SDHAF3: variants seen among roughly 807,000 people sequenced by gnomAD.
SDHAF3 encodes succinate dehydrogenase complex assembly factor 3.
Under a neutral mutation model 11.5 loss-of-function variants are expected in SDHAF3, and 18 were observed. The observed-to-expected ratio is 1.56, with a 90% CI of 1.08 to 2.32. The LOEUF is 2.32. Among genes scored for constraint, SDHAF3 ranks in the 30% most tolerant of loss-of-function variants. The probability of loss-of-function intolerance (pLI) is 0.00; values close to 1 mark genes in which losing one functional copy is unlikely to be tolerated. For missense variants in SDHAF3, 200 were observed against 154.4 expected (o/e 1.30, Z -1.57); for synonymous variants, 72 against 59.3 (o/e 1.21, Z -0.99).
intron 1 of SDHAF3, among the ~76,000 whole-genome samples, chr7:97,172,988 GATCATCAAGCTCAA>G (rs6150239): frequency 0.24 from 37,205 of 152,066 alleles, 4,707 homozygotes; most frequent in East Asian, 0.42. Context: ...CTCCACCTCA[GATCATCAAGCTCAA>G]ATCATCAAGC....
chr7:97,139,321 A>C (rs1466839434), intron 1 of SDHAF3, among the ~76,000 whole-genome samples: 1 of 152,174 alleles, frequency 6.6e-6, no homozygotes, highest in African/African-American at 2.4e-5. Flanking sequence ...CCACACCCGG[A>C]GATGGGCAGT....
chr7:97,151,665 AT>A (rs918023564), intron 1 of SDHAF3, among the ~76,000 whole-genome samples: 2 of 151,604 alleles, frequency 1.3e-5, no homozygotes, highest in Non-Finnish European at 2.9e-5. Context: ...TGCCTGGCTA[AT>A]TTTTTTGTAT....
intron 1 of SDHAF3, among the ~76,000 whole-genome samples, chr7:97,159,191 T>C (rs1243575541): frequency 6.6e-6 from 1 of 152,254 alleles, no homozygotes; most frequent in Non-Finnish European, 1.5e-5. Context: ...GATAAAAATG[T>C]ATGTCTTGTT....
At position 97,117,765 on chromosome 7, in the gene SDHAF3, G is replaced by A. The variant is rs148523529; in HGVS notation, c.42G>A (p.Lys14=). 7 of 1,614,160 alleles carry A rather than the reference G, an allele frequency of 4.3e-6. No homozygotes were observed. Among genetic ancestry groups the A allele is most frequent in the Middle Eastern group, 3.3e-4 (2 of 6,060 alleles). The change falls in exon 1 of 2, where the codon AAG becomes AAA. Residue 14 remains lysine (K), a synonymous_variant. Coordinates refer to ENST00000432641, the MANE Select transcript of SDHAF3 (RefSeq NM_020186.3). Reference sequence around the variant, plus strand: ...TTTCTCGAGTCCGGGCATTGTACAAGCGCGTCTTGCAGCTGCACCGTGTTC... The same window carrying A: ...TTTCTCGAGTCCGGGCATTGTACAAACGCGTCTTGCAGCTGCACCGTGTTC... ...RHVSRVRALY[K]RVLQLHRVLP... is the part of the protein sequence containing the mutation.
chr7:97,141,378 A>G (rs1005587384), intron 1 of SDHAF3, among the ~76,000 whole-genome samples: 8 of 152,086 alleles, frequency 5.3e-5, no homozygotes, highest in African/African-American at 1.4e-4. Context: ...TTTGAAAATC[A>G]CTAATAAAAA....
intron 1 of SDHAF3, among the ~76,000 whole-genome samples, chr7:97,179,796 A>T (rs1434169602): frequency 6.6e-6 from 1 of 152,140 alleles, no homozygotes. Flanking sequence ...GGAATTGATA[A>T]AACTTGAAAT....
intron 1 of SDHAF3, among the ~76,000 whole-genome samples, chr7:97,133,832 A>G (rs1034031022): frequency 6.6e-6 from 1 of 152,212 alleles, no homozygotes; most frequent in South Asian, 2.1e-4. Flanking sequence ...GCTCTAAAAC[A>G]CTAAAATATT....
chr7:97,128,155 C>T (rs1443199106), intron 1 of SDHAF3, among the ~76,000 whole-genome samples: 1 of 152,068 alleles, frequency 6.6e-6, no homozygotes, highest in African/African-American at 2.4e-5. Context: ...GCCTCGGCCT[C>T]CCAAAGTCAA....
intron 1 of SDHAF3, among the ~76,000 whole-genome samples, chr7:97,134,087 G>T (rs961657666): frequency 1.3e-5 from 2 of 152,156 alleles, no homozygotes; most frequent in Non-Finnish European, 2.9e-5. Context: ...TCATGCAGCT[G>T]ACTCCCTCCC....
chr7:97,129,780 G>A (rs758495701), intron 1 of SDHAF3, among the ~76,000 whole-genome samples: 31 of 152,140 alleles, frequency 2.0e-4, no homozygotes, highest in Non-Finnish European at 1.2e-4. Context: ...GGCAGGCTGC[G>A]CTCAGCTTAT....
intron 1 of SDHAF3, among the ~76,000 whole-genome samples, chr7:97,147,896 TTTTA>T (rs964458362): frequency 2.6e-5 from 4 of 152,018 alleles, no homozygotes; most frequent in African/African-American, 7.3e-5. Context: ...GTGGTGAACT[TTTTA>T]TTTATTTATT....
chr7:97,147,794 C>T lies in SDHAF3; in HGVS notation c.174+29897C>T, dbSNP rs1789158709. 2.0e-5 allele frequency among the ~76,000 whole-genome samples: 3 copies of T among 152,188 alleles called. 1 individual carries two copies. Among genetic ancestry groups the T allele is most frequent in the East Asian group, 3.8e-4 (2 of 5,204 alleles). ...CGCACCACCAATTGCATGTACATTC[C>T]TCTCAAAGACTCTAATAAGAACATT... On this transcript the variant is annotated intron_variant, in intron 1 of 1. Transcript: ENST00000432641.
intron 1 of SDHAF3, among the ~76,000 whole-genome samples, chr7:97,143,501 T>G (rs137863128): frequency 6.6e-6 from 1 of 152,174 alleles, no homozygotes; most frequent in South Asian, 2.1e-4. Context: ...ATCATTCTTA[T>G]AGCCTTTGCA....
At chr7:97,119,954 G>A (rs1791466630) in intron 1 of SDHAF3, among the ~76,000 whole-genome samples, 1 of 152,144 alleles carries the variant, frequency 6.6e-6, no homozygotes, top group South Asian at 2.1e-4. Context: ...CTTCTTACTG[G>A]TGATGATAAC....
At chr7:97,118,784 T>TA (rs139768848) in intron 1 of SDHAF3, among the ~76,000 whole-genome samples, 5,635 of 151,614 alleles carry the variant, frequency 0.037, 180 homozygotes, top group African/African-American at 0.092. Flanking sequence ...GTCGGCTTTG[T>TA]AAAAAAAAAT....
intron 1 of SDHAF3, among the ~76,000 whole-genome samples, chr7:97,176,037 A>G (rs1344603956): frequency 6.6e-6 from 1 of 152,160 alleles, no homozygotes; most frequent in African/African-American, 2.4e-5. Flanking sequence ...TCTCCTCTGT[A>G]TGCCTAATTT....
chr7:97,173,937 T>A (rs1004756478), intron 1 of SDHAF3, among the ~76,000 whole-genome samples: 2 of 151,116 alleles, frequency 1.3e-5, no homozygotes, highest in East Asian at 3.9e-4. Context: ...TTTTTTTTTT[T>A]AAAGACAGAG....
In SDHAF3 at chr7:97,124,594, C is replaced by A. The variant is rs144978054; in HGVS notation, c.174+6697C>A. On this transcript the variant is annotated intron_variant, in intron 1 of 1. Coordinates refer to ENST00000432641, the MANE Select transcript of SDHAF3 (RefSeq NM_020186.3). ...GTATAAATTACTTTGAGCAGTATGG[C>A]CATTTTAGCAATATTAATTCTTCCC... 3.8e-3 allele frequency among the ~76,000 whole-genome samples: 582 copies of A among 152,190 alleles called. 6 individuals are homozygous for A. The highest frequency in any genetic ancestry group is 0.013 in the African/African-American group (544 of 41,510).
chr7:97,180,981 C>T (rs770053546), intron 1 of SDHAF3, 31 bp from the exon 2 acceptor site: 3 of 1,554,180 alleles, frequency 1.9e-6, no homozygotes, highest in Non-Finnish European at 2.6e-6. Context: ...TTAAACTTTA[C>T]ATCTATAACC....
Sources: allele counts gnomAD v4.1 joint callset (sites outside exome capture counted in the v4.1 genomes callset), GRCh38; gene constraint gnomAD v4.1.1; transcripts MANE v1.5; gene names NCBI Gene and HGNC (gene_info 2026-07-23, HGNC 2026-07-21).